The following ANTXR2 variants were observed in gnomAD, a reference collection of about 807,000 sequenced individuals.
ANTXR2 encodes the protein anthrax toxin receptor 2.
In ANTXR2, 44 loss-of-function variants were observed where a neutral mutation model predicts 73.7. The observed-to-expected ratio is 0.60, with a 90% confidence interval of 0.47 to 0.77. ANTXR2 has a LOEUF of 0.77. Among genes scored for constraint, ANTXR2 ranks in the 30% least tolerant of loss-of-function variants. ANTXR2 has a pLI of 0.00. For missense variants in ANTXR2, 604 were observed against 592.5 expected, an observed-to-expected ratio of 1.02 and a Z score of -0.20; for synonymous variants, 217 against 205.9, an observed-to-expected ratio of 1.05 and a Z score of -0.46.
chr4:79,949,817 A>T (rs1042186620), intron 16 of ANTXR2, among the ~76,000 whole-genome samples: 1 of 152,208 alleles, frequency 6.6e-6, no homozygotes. Flanking sequence ...GAACAAGTTG[A>T]TCAAATTTTA....
In ANTXR2 at chr4:79,984,895, A is replaced by G. The variant is rs899600046; in HGVS notation, c.1042-32T>C. 7.2e-6 allele frequency: 11 copies of G among 1,529,812 alleles called. No homozygotes were observed. In the Admixed American group the frequency reaches 1.9e-4, roughly 26 times the overall value. 94.8% of individuals were successfully genotyped at this position (1,529,812 alleles called of 1,614,324 possible). A position where few individuals can be genotyped will look rare whatever the true frequency, so the allele number is the denominator to read the frequency against. On this transcript the variant is annotated intron_variant, in intron 12 of 16. Transcript: ENST00000403729. ...AAAAAAATCAAATATAAAAATTTCT[A>G]TGGCATAGAGAGGAGATAGTAAGGA...
At chr4:80,010,785 C>T (rs1731533473) in intron 11 of ANTXR2, among the ~76,000 whole-genome samples, 1 of 152,082 alleles carries the variant, frequency 6.6e-6, no homozygotes, top group East Asian at 1.9e-4. Context: ...TATTATGCAT[C>T]TCCAGATACA....
intron 16 of ANTXR2, among the ~76,000 whole-genome samples, chr4:79,919,864 T>TA (rs1560855903): frequency 1.7e-3 from 8 of 4,810 alleles, no homozygotes; most frequent in African/African-American, 4.5e-3. Flanking sequence ...TAATACATAT[T>TA]TTATATATAT....
chr4:79,907,801 A>G (rs6814593), intron 16 of ANTXR2, among the ~76,000 whole-genome samples: 87,240 of 152,070 alleles, frequency 0.57, 25,356 homozygotes, highest in Non-Finnish European at 0.61. Flanking sequence ...TTATGTAATG[A>G]ATTAAAATGA....
At chr4:79,993,519 C>T (rs533606441) in intron 12 of ANTXR2, among the ~76,000 whole-genome samples, 7 of 152,002 alleles carry the variant, frequency 4.6e-5, no homozygotes, top group East Asian at 1.9e-4. Context: ...ACTCCTCCAA[C>T]GCATACACAA....
intron 10 of ANTXR2, among the ~76,000 whole-genome samples, chr4:80,023,227 T>C (rs1333337934): frequency 6.6e-6 from 1 of 152,192 alleles, no homozygotes; most frequent in Non-Finnish European, 1.5e-5. Context: ...GGCAGTTTCA[T>C]GTAAAAAATT....
At chr4:80,054,522 T>A (rs1224602394) in intron 6 of ANTXR2, among the ~76,000 whole-genome samples, 170 bp from the exon 7 acceptor site, 4 of 151,802 alleles carry the variant, frequency 2.6e-5, no homozygotes, top group Non-Finnish European at 1.5e-5. Context: ...CTAGTGTTAC[T>A]CTAAATGTAT....
chr4:79,988,229 TTATATATATATATATATATATATA>T (rs70944756), intron 12 of ANTXR2, among the ~76,000 whole-genome samples: 7,428 of 68,248 alleles, frequency 0.11, 882 homozygotes, highest in East Asian at 0.5. Context: ...CACATAAATT[TTATATATATATATATATATATATA>T]TATATATATA....
chr4:79,926,866 C>CATATGTGTGT (rs1727799410), intron 16 of ANTXR2, among the ~76,000 whole-genome samples: 1 of 123,766 alleles, frequency 8.1e-6, no homozygotes, highest in African/African-American at 2.9e-5. Context: ...GAAATTGTGG[C>CATATGTGTGT]ATATATATGT....
At chr4:80,015,948 G>GAAAGGAAAGGAA (rs1731842616) in intron 11 of ANTXR2, among the ~76,000 whole-genome samples, 1 of 114,118 alleles carries the variant, frequency 8.8e-6, no homozygotes, top group Admixed American at 8.4e-5. Flanking sequence ...GAAAGGAAAG[G>GAAAGGAAAGGAA]AAAGGAAAGG....
Position 80,072,758 on chromosome 4 carries a change from TC to T in ANTXR2, c.-199del. 7.9e-7 allele frequency: 1 copy of T among 1,269,104 alleles called. No homozygotes were observed. Among genetic ancestry groups the T allele is most frequent in the Non-Finnish European group, 1.0e-6 (1 of 1,004,412 alleles). 78.6% of individuals were successfully genotyped at this position (1,269,104 alleles called of 1,614,324 possible). On this transcript the variant is annotated 5_prime_UTR_variant, in exon 1 of 17. Transcript: ENST00000403729. ...AGGTCCTGAGAGGACAAAGGGAGTC[TC>T]CGCCACCGCCGCAGCTGCCGCCGGA... is the stretch of plus-strand genomic sequence containing the variant.
intron 16 of ANTXR2, among the ~76,000 whole-genome samples, chr4:79,963,652 A>G (rs1729234845): frequency 6.6e-6 from 1 of 152,182 alleles, no homozygotes; most frequent in South Asian, 2.1e-4. Flanking sequence ...TTCTCAAGAA[A>G]GGGAGCCTAA....
intron 16 of ANTXR2, among the ~76,000 whole-genome samples, chr4:79,923,166 T>A (rs1273804621): frequency 1.3e-5 from 2 of 152,104 alleles, no homozygotes; most frequent in African/African-American, 4.8e-5. Context: ...AATAGCTATC[T>A]AAAGCATATA....
At chr4:80,021,020 G>A (rs913214450) in intron 10 of ANTXR2, among the ~76,000 whole-genome samples, 26 of 151,724 alleles carry the variant, frequency 1.7e-4, no homozygotes, top group East Asian at 1.9e-4. Flanking sequence ...ATGGTGGCAC[G>A]TGCCTGTAAT....
At chr4:80,037,131 C>T (rs2110088362) in intron 7 of ANTXR2, among the ~76,000 whole-genome samples, 1 of 152,260 alleles carries the variant, frequency 6.6e-6, no homozygotes, top group South Asian at 2.1e-4. Context: ...TTTAGAACTG[C>T]TCTGCACTAT....
In ANTXR2 at chr4:79,903,278, G is replaced by C. The variant is rs1726777926; in HGVS notation, c.*4151C>G. ...AGTTGATGGCTGGGTCTATGGTCTA[G>C]GACCTCTCTGTTACCTGATTCCTAA... On this transcript the variant is annotated 3_prime_UTR_variant, in exon 17 of 17. Transcript: ENST00000403729. 2 of 151,970 alleles carry C rather than the reference G, an allele frequency of 1.3e-5. No individual in the cohort carries two copies. Among genetic ancestry groups the C allele is most frequent in the South Asian group, 4.2e-4 (2 of 4,818 alleles). The allele number at this position is 151,970 out of a possible 1,614,324, so 9.4% of individuals were successfully genotyped here.
At chr4:79,963,419 A>G (rs906867974) in intron 16 of ANTXR2, among the ~76,000 whole-genome samples, 6 of 152,190 alleles carry the variant, frequency 3.9e-5, no homozygotes, top group Admixed American at 3.9e-4. Context: ...GTGTTCTGTC[A>G]GACTGAATAT....
At chr4:79,976,344 T>A (rs1352282750) in intron 16 of ANTXR2, among the ~76,000 whole-genome samples, 3 of 152,162 alleles carry the variant, frequency 2.0e-5, no homozygotes, top group African/African-American at 7.2e-5. Context: ...AGTACTGGAT[T>A]CTGGAGGTGA....
At position 80,039,625 on chromosome 4, in the gene ANTXR2, C is replaced by T. The variant is rs141603455; in HGVS notation, c.637-3593G>A. Among the ~76,000 whole-genome samples the T allele has an allele frequency of 7.1e-3, 1,075 of 152,032 alleles. 14 individuals are homozygous for T. Among genetic ancestry groups the T allele is most frequent in the African/African-American group, 0.024 (997 of 41,488 alleles). On this transcript the variant is annotated intron_variant, in intron 7 of 16. Coordinates refer to ENST00000403729, the MANE Select transcript of ANTXR2 (RefSeq NM_058172.6). ...ATCAGAATGGCTATTATTAAAAAGTCGAAAACCAACAAATGCTGGTGAGGT... is the reference window on the plus strand; with the variant it reads ...ATCAGAATGGCTATTATTAAAAAGTTGAAAACCAACAAATGCTGGTGAGGT...
Sources: allele counts gnomAD v4.1 joint callset (sites outside exome capture counted in the v4.1 genomes callset), GRCh38; gene constraint gnomAD v4.1.1; transcripts MANE v1.5; gene names NCBI Gene and HGNC (gene_info 2026-07-23, HGNC 2026-07-21).